The following PHYKPL variants were observed in gnomAD, a reference collection of about 807,000 sequenced individuals.
The protein encoded by PHYKPL is 5-phosphonooxy-L-lysine phospho-lyase.
PHYKPL carries 42 observed loss-of-function variants against 51.3 expected under a neutral mutation model. The observed-to-expected ratio is 0.82, with a 90% CI of 0.64 to 1.06. The LOEUF (loss-of-function observed/expected upper bound fraction) is 1.06, where lower values mean the gene tolerates loss of function less well. Among genes scored for constraint, PHYKPL ranks in the 50% least tolerant of loss-of-function variants. The pLI is 0.00. For synonymous variants in PHYKPL, 264 were observed against 236.0 expected (o/e 1.12, Z -1.09); for missense variants, 655 against 586.6 (o/e 1.12, Z -1.20).
At chr5:178,210,183 A>C in intron 12 of PHYKPL, 2 of 1,613,590 alleles carry the variant, frequency 1.2e-6, no homozygotes, top group Non-Finnish European at 1.7e-6. Flanking sequence ...AACCAGGGCT[A>C]CGGCTACCAG....
In PHYKPL at chr5:178,215,281, A is replaced by G. The variant is rs751860683; in HGVS notation, c.1077T>C (p.Asp359=). The G allele has an allele frequency of 2.5e-6, 4 of 1,613,992 alleles. No homozygotes were observed. The highest frequency in any genetic ancestry group is 3.4e-6 in the Non-Finnish European group (4 of 1,179,958). ...TGCTGCCCCCAGAGCCTCACCTGAC[A>G]TCCCCGACGATGGGATGTTTGATTT... The part of the protein sequence containing the change: ...QQKIKHPIVG[D]VRGVGLFIGV... Residue 359 remains aspartate (D), a synonymous_variant, in exon 9 of 13, where the codon GAT becomes GAC. Transcript: ENST00000308158.
chr5:178,231,157 G>A (rs987914043), intron 2 of PHYKPL, among the ~76,000 whole-genome samples: 8 of 152,196 alleles, frequency 5.3e-5, no homozygotes, highest in Non-Finnish European at 1.2e-4. Context: ...CACTTTGTGA[G>A]CTCATCATCA....
At chr5:178,226,539 A>T (rs1245209270) in intron 3 of PHYKPL, 1 of 152,212 alleles carries the variant, frequency 6.6e-6, no homozygotes, top group Non-Finnish European at 1.5e-5. Flanking sequence ...GGTATGAAGG[A>T]AGGGCATGGA....
chr5:178,232,463 C>T lies in PHYKPL; in HGVS notation c.59+29G>A, dbSNP rs1215808795. 11 of 1,358,716 alleles carry T rather than the reference C, an allele frequency of 8.1e-6. No homozygotes were observed. The East Asian group carries it at 2.2e-4, about 27-fold the overall frequency. 84.2% of individuals were successfully genotyped at this position (1,358,716 alleles called of 1,614,324 possible). A position where few individuals can be genotyped will look rare whatever the true frequency, so the allele number is the denominator to read the frequency against. On this transcript the variant is annotated intron_variant, in intron 1 of 12. Coordinates refer to ENST00000308158, the MANE Select transcript of PHYKPL (RefSeq NM_153373.4). The stretch of plus-strand genomic sequence containing the variant: ...CGTGCCTCTCCGCGCAGCCCCGCGC[C>T]CCCCGCCGCCCGCCCCCCGCCCGGG...
downstream of PHYKPL, chr5:178,207,361 G>T (rs1438124122): frequency 3.8e-5 from 38 of 1,005,510 alleles, no homozygotes; most frequent in Non-Finnish European, 1.4e-6. Context: ...AGCGTATGCT[G>T]CCCTGATTGG....
chr5:178,211,638 A>AG (rs1421104036), intron 12 of PHYKPL: 2 of 449,468 alleles, frequency 4.4e-6, no homozygotes, highest in Non-Finnish European at 8.0e-6. Flanking sequence ...TGGTTACAAG[A>AG]GGCAAGGGTG....
Position 178,229,853 on chromosome 5 carries a change from G to C in PHYKPL, c.338+87C>G, listed in dbSNP as rs1287959454. On this transcript the variant is annotated intron_variant, in intron 3 of 12. Coordinates refer to ENST00000308158, the MANE Select transcript of PHYKPL (RefSeq NM_153373.4). Reference sequence around the variant, plus strand: ...GGCTGCCTCTCCGAGTCCACACTCGGTCAGCTACACTACACTGGGCCCATG... The same window carrying C: ...GGCTGCCTCTCCGAGTCCACACTCGCTCAGCTACACTACACTGGGCCCATG... 2.6e-6 allele frequency: 4 copies of C among 1,518,292 alleles called. No individual in the cohort carries two copies. In the African/African-American group the frequency reaches 5.5e-5, roughly 21 times the overall value. The allele number at this position is 1,518,292 out of a possible 1,614,324, so 94.1% of individuals were successfully genotyped here.
In PHYKPL at chr5:178,211,925, G is replaced by A. The variant is rs758134979; in HGVS notation, c.1349C>T (p.Pro450Leu). 3.1e-6 allele frequency: 5 copies of A among 1,613,164 alleles called. No homozygotes were observed. The highest frequency in any genetic ancestry group is 4.2e-6 in the Non-Finnish European group (5 of 1,179,248). ...VRSCETLRLQ[P>L] ...CTTAGGCAGAGCAGGGCTGGCTTAGGGCTGGAGCCTCAGCGTTTCACAACT... is the reference window on the plus strand; with the variant it reads ...CTTAGGCAGAGCAGGGCTGGCTTAGAGCTGGAGCCTCAGCGTTTCACAACT... Residue 450 changes from proline to leucine, a missense_variant, in exon 12 of 13, where the codon CCC (proline) becomes CTC (leucine). By Grantham distance (98) the Pro-to-Leu change is moderately conservative. Transcript: ENST00000308158.
chr5:178,225,661 G>C (rs1176554022), intron 3 of PHYKPL: 1 of 550,458 alleles, frequency 1.8e-6, no homozygotes, highest in South Asian at 2.3e-5. Context: ...TTACATTCTC[G>C]TATGTGTCAT....
chr5:178,213,169 G>A, intron 10 of PHYKPL, 66 bp from the exon 11 acceptor site: 3 of 1,587,126 alleles, frequency 1.9e-6, no homozygotes, highest in South Asian at 1.1e-5. Flanking sequence ...TTGGCCTCAT[G>A]TCCAGTGCTC....
intron 3 of PHYKPL, among the ~76,000 whole-genome samples, chr5:178,227,924 G>T (rs1281357312): frequency 6.6e-6 from 1 of 152,210 alleles, no homozygotes; most frequent in Non-Finnish European, 1.5e-5. Flanking sequence ...TGTGGTTTCT[G>T]CCTGGAGCAG....
intron 12 of PHYKPL, chr5:178,211,227 G>A (rs530140438): frequency 1.8e-4 from 27 of 153,122 alleles, no homozygotes; most frequent in Non-Finnish European, 3.0e-4. Flanking sequence ...AGGCGGGGGG[G>A]GGGTGCCAGG....
chr5:178,219,335 C>T lies in PHYKPL; in HGVS notation c.927+3020G>A, dbSNP rs900004382. On this transcript the variant is annotated intron_variant, in intron 8 of 12. Transcript: ENST00000308158. Reference sequence around the variant, plus strand: ...ATAGATATGTATGTGTTGGTATATACACACACACACAGACACACACACATA... The same window carrying T: ...ATAGATATGTATGTGTTGGTATATATACACACACACAGACACACACACATA... Among the ~76,000 whole-genome samples the T allele has an allele frequency of 9.9e-4, 150 of 151,094 alleles. 1 individual carries two copies. Among genetic ancestry groups the T allele is most frequent in the African/African-American group, 3.5e-3 (144 of 41,186 alleles).
At chr5:178,211,225 G>GT (rs1253187241) in intron 12 of PHYKPL, 6 of 153,074 alleles carry the variant, frequency 3.9e-5, no homozygotes, top group African/African-American at 1.5e-4. Flanking sequence ...GGAGGCGGGG[G>GT]GGGGGTGCCA....
intron 3 of PHYKPL, 144 bp downstream of exon 3, chr5:178,229,796 A>C: frequency 1.0e-6 from 1 of 1,001,290 alleles, no homozygotes. Context: ...CAGGGCCTAC[A>C]GCCGGGAATC....
Position 178,215,323 on chromosome 5 carries a change from C to T in PHYKPL, c.1035G>A (p.Gln345=), listed in dbSNP as rs183224786. Reference sequence around the variant, plus strand: ...GTTTGATTTTTTGCTGCCCGAGGAGCTGCATCAGGAAGCTGCCTACACTGG... The same window carrying T: ...GTTTGATTTTTTGCTGCCCGAGGAGTTGCATCAGGAAGCTGCCTACACTGG... ...HATSVGSFLM[Q]LLGQQKIKHP... The change falls in exon 9 of 13, where the codon CAG becomes CAA. Residue 345 remains glutamine, a synonymous_variant. Coordinates refer to ENST00000308158, the MANE Select transcript of PHYKPL (RefSeq NM_153373.4). The T allele has an allele frequency of 1.2e-6, 2 of 1,614,056 alleles. No homozygotes were observed. The highest frequency in any genetic ancestry group is 1.1e-5 in the South Asian group (1 of 91,078).
intron 3 of PHYKPL, 105 bp downstream of exon 3, chr5:178,229,835 T>C (rs770611494): frequency 1.0e-5 from 15 of 1,441,298 alleles, no homozygotes; most frequent in Admixed American, 3.7e-5. Flanking sequence ...GGGGGCTGCC[T>C]CTCCGAGTCC....
At chr5:178,210,993 ATAT>A in intron 12 of PHYKPL, 1 of 235,978 alleles carries the variant, frequency 4.2e-6, no homozygotes, top group Non-Finnish European at 8.3e-6. Flanking sequence ...TTTTAATTTT[ATAT>A]TATTTGCGTC....
At chr5:178,216,590 A>G (rs1759843742) in intron 8 of PHYKPL, 1 of 152,258 alleles carries the variant, frequency 6.6e-6, no homozygotes, top group African/African-American at 2.4e-5. Flanking sequence ...CAGTTGCCAC[A>G]TTATGTTACT....
Sources: allele counts gnomAD v4.1 joint callset (sites outside exome capture counted in the v4.1 genomes callset), GRCh38; gene constraint gnomAD v4.1.1; transcripts MANE v1.5; gene names NCBI Gene and HGNC (gene_info 2026-07-23, HGNC 2026-07-21).